Variants in XPO4 observed in about 807,000 individuals in gnomAD.
XPO4 encodes exportin-4.
XPO4 carries 39 observed loss-of-function variants against 143.0 expected under a neutral mutation model. The observed-to-expected ratio is 0.27, with a 90% CI of 0.21 to 0.36. The LOEUF (loss-of-function observed/expected upper bound fraction) is 0.36. Ranked by LOEUF, XPO4 falls within the 10% of genes least tolerant of loss-of-function variation. The probability of loss-of-function intolerance (pLI) is 1.00; values close to 1 mark genes in which losing one functional copy is unlikely to be tolerated. For synonymous variants in XPO4, 439 were observed against 474.0 expected (o/e 0.93, Z 0.96); for missense variants, 907 against 1,348.0 (o/e 0.67, Z 5.12).
At chr13:20,902,105 G>C (rs117673031) in intron 1 of XPO4, 2 of 985,278 alleles carry the variant, frequency 2.0e-6, no homozygotes, top group Admixed American at 1.2e-4. Context: ...AATGACCTTG[G>C]TCTCAACGAT....
In XPO4 at chr13:20,865,108, GT is replaced by G. The variant is rs574777364; in HGVS notation, c.176-2251del. ...TTACAAAGATGCCTGAAACTACAGG[GT>G]TTTCATGAAGAACTCACAATTCATC... On this transcript the variant is annotated intron_variant, in intron 2 of 22. Coordinates refer to ENST00000255305, the MANE Select transcript of XPO4 (RefSeq NM_022459.5). Among the ~76,000 whole-genome samples, 214 of 151,274 alleles carry G rather than the reference GT, an allele frequency of 1.4e-3. 1 individual carries two copies. The highest frequency in any genetic ancestry group is 5.1e-3 in the African/African-American group (212 of 41,282).
At chr13:20,798,454 G>A (rs2059386708) in intron 16 of XPO4, among the ~76,000 whole-genome samples, 1 of 152,276 alleles carries the variant, frequency 6.6e-6, no homozygotes, top group Non-Finnish European at 1.5e-5. Flanking sequence ...ACAAATTTCT[G>A]TTGTGGTATT....
chr13:20,851,354 A>C, intron 4 of XPO4: 1 of 985,362 alleles, frequency 1.0e-6, no homozygotes, highest in Non-Finnish European at 1.2e-6. Context: ...CCTGAAATTA[A>C]ATTCTACTTC....
chr13:20,814,192 CAAAAAAAAAAA>C (rs35203359), intron 9 of XPO4, among the ~76,000 whole-genome samples: 14 of 97,960 alleles, frequency 1.4e-4, no homozygotes, highest in Non-Finnish European at 2.4e-4. Flanking sequence ...ACCCAGTCTC[CAAAAAAAAAAA>C]AAAAAAAGCA....
chr13:20,829,789 G>C (rs1490281428), intron 6 of XPO4, among the ~76,000 whole-genome samples: 1 of 152,180 alleles, frequency 6.6e-6, no homozygotes, highest in Non-Finnish European at 1.5e-5. Context: ...GTTTTGGTAA[G>C]AGGGAGATGA....
intron 1 of XPO4, among the ~76,000 whole-genome samples, chr13:20,900,529 C>T (rs2060610594): frequency 6.6e-6 from 1 of 152,036 alleles, no homozygotes; most frequent in African/African-American, 2.4e-5. Flanking sequence ...ATATAGCTTT[C>T]ATATTAAGAA....
chr13:20,891,800 T>C (rs1304133446), intron 1 of XPO4, among the ~76,000 whole-genome samples: 1 of 150,640 alleles, frequency 6.6e-6, no homozygotes, highest in African/African-American at 2.4e-5. Context: ...GAGGTGAAGG[T>C]TGCAGTGAGC....
chr13:20,849,445 AT>A (rs2060061932), intron 4 of XPO4: 7 of 984,228 alleles, frequency 7.1e-6, no homozygotes, highest in Non-Finnish European at 8.4e-6. Context: ...ACAAATATGA[AT>A]TATATGTTTA....
chr13:20,781,926 A>AT lies in XPO4; in HGVS notation c.*1795dup. 6.6e-6 allele frequency: 1 copy of AT among 152,272 alleles called. No individual in the cohort carries two copies. Among genetic ancestry groups the AT allele is most frequent in the African/African-American group, 2.4e-5 (1 of 41,578 alleles). 9.4% of individuals were successfully genotyped at this position (152,272 alleles called of 1,614,324 possible). ...CACCTAAAAATAAATGCATCAAAGT[A>AT]TTTTTTAAAATACAGAAACGTGTAC... On this transcript the variant is annotated 3_prime_UTR_variant, in exon 23 of 23. Coordinates refer to ENST00000255305, the MANE Select transcript of XPO4 (RefSeq NM_022459.5).
chr13:20,801,021 T>C (rs1212041579), intron 13 of XPO4, 31 bp from the exon 14 acceptor site: 1 of 1,595,536 alleles, frequency 6.3e-7, no homozygotes, highest in African/African-American at 1.4e-5. Context: ...TCATTTATTC[T>C]TTTATTTATT....
At chr13:20,902,619 G>A in intron 1 of XPO4, 51 bp downstream of exon 1, 4 of 1,512,580 alleles carry the variant, frequency 2.6e-6, no homozygotes, top group Non-Finnish European at 3.5e-6. Flanking sequence ...GAGTGGCAGG[G>A]CCGACCGGGG....
At chr13:20,882,415 G>A (rs11838752) in intron 1 of XPO4, among the ~76,000 whole-genome samples, 8,686 of 152,098 alleles carry the variant, frequency 0.057, 630 homozygotes, top group African/African-American at 0.17. Flanking sequence ...AGCAAGTGGG[G>A]GGAGGTGCCA....
At chr13:20,863,252 G>C in intron 2 of XPO4, 1 of 299,252 alleles carries the variant, frequency 3.3e-6, no homozygotes, top group Non-Finnish European at 5.0e-6. Flanking sequence ...ACTAGTCATT[G>C]AACATTACTA....
chr13:20,833,469 C>G (rs1395213204), intron 6 of XPO4, among the ~76,000 whole-genome samples: 1 of 152,180 alleles, frequency 6.6e-6, no homozygotes, highest in Non-Finnish European at 1.5e-5. Flanking sequence ...TACTTTAAAT[C>G]ACCTCTAGAT....
rs970622609 is a variant in XPO4, at chr13:20,849,406, G to A, written c.457-5520C>T. The stretch of plus-strand genomic sequence containing the variant: ...TTAAACAGCTTTAAAGTGATTTAAC[G>A]TATGCCTACTGCTTTCAAAGGAAAT... On this transcript the variant is annotated intron_variant, in intron 4 of 22. Coordinates refer to ENST00000255305, the MANE Select transcript of XPO4 (RefSeq NM_022459.5). 21 of 984,370 alleles carry A rather than the reference G, an allele frequency of 2.1e-5. No homozygotes were observed. In the South Asian group the frequency reaches 2.4e-4, roughly 11 times the overall value. The allele number at this position is 984,370 out of a possible 1,614,324, so 61.0% of individuals were successfully genotyped here. A position where few individuals can be genotyped will look rare whatever the true frequency, so the allele number is the denominator to read the frequency against.
At chr13:20,815,927 T>C (rs952508327) in intron 9 of XPO4, among the ~76,000 whole-genome samples, 9 of 152,146 alleles carry the variant, frequency 5.9e-5, no homozygotes, top group African/African-American at 1.9e-4. Flanking sequence ...AAATAAGTAA[T>C]GTACCAAACA....
intron 6 of XPO4, among the ~76,000 whole-genome samples, chr13:20,834,889 G>A (rs927311928): frequency 3.9e-5 from 6 of 152,094 alleles, no homozygotes; most frequent in African/African-American, 1.4e-4. Flanking sequence ...TGAACTCAGA[G>A]GTCAAGGCTG....
chr13:20,796,903 A>T lies in XPO4; in HGVS notation c.2477T>A (p.Ile826Asn). The change falls in exon 17 of 23, where the codon ATC becomes AAC. Residue 826 changes from isoleucine (I) to asparagine (N), a missense_variant. Transcript: ENST00000255305. ...GAAGTCCATTAAAAAATTAAACAGG[A>T]TTGCTACGTTGTCAATCTGGGTAGC... is the stretch of plus-strand genomic sequence containing the variant. ...AEATQIDNVA[I>N]LFNFLMDFLT... The T allele has an allele frequency of 6.2e-7, 1 of 1,614,128 alleles. No individual in the cohort carries two copies. The highest frequency in any genetic ancestry group is 1.3e-5 in the African/African-American group (1 of 75,030).
At position 20,802,134 on chromosome 13, in the gene XPO4, T is replaced by C. The variant is rs543003394; in HGVS notation, c.1818-1144A>G. On this transcript the variant is annotated intron_variant, in intron 13 of 22. Transcript: ENST00000255305. ...ATGCCCAGACACAGTCACGGTCCAC[T>C]GCAGCTTTAACTTTTTGGGTTCAAG... Among the ~76,000 whole-genome samples the C allele has an allele frequency of 3.3e-5, 5 of 152,242 alleles. No homozygotes were observed. The East Asian group carries it at 9.6e-4, about 29-fold the overall frequency.
Sources: allele counts gnomAD v4.1 joint callset (sites outside exome capture counted in the v4.1 genomes callset), GRCh38; gene constraint gnomAD v4.1.1; transcripts MANE v1.5; gene names NCBI Gene and HGNC (gene_info 2026-07-23, HGNC 2026-07-21).